The following CYP19A1 variants were observed in gnomAD, a reference collection of about 807,000 sequenced individuals.
The protein encoded by CYP19A1 is aromatase.
In CYP19A1, 32 loss-of-function variants were observed where a neutral mutation model predicts 44.4. The ratio of observed to expected loss-of-function variants is 0.72; its 90% confidence interval spans 0.54 to 0.97. CYP19A1 has a LOEUF of 0.97. Ranked by LOEUF, CYP19A1 falls within the 50% of genes least tolerant of loss-of-function variation. CYP19A1 has a pLI of 0.00. For missense variants in CYP19A1, 598 were observed against 637.8 expected (o/e 0.94, Z 0.67); for synonymous variants, 212 against 215.6 (o/e 0.98, Z 0.14).
Position 51,255,967 on chromosome 15 carries a change from C to T in CYP19A1, c.-38-13017G>A, listed in dbSNP as rs576177207. On this transcript the variant is annotated intron_variant, in intron 1 of 9. Coordinates refer to ENST00000396402, the MANE Select transcript of CYP19A1 (RefSeq NM_000103.4). Reference sequence around the variant, plus strand: ...AAGTGACAAAGTTGCCCAAACAGTTCAGCTGAATTCAGAGTATCATTGCCC... The same window carrying T: ...AAGTGACAAAGTTGCCCAAACAGTTTAGCTGAATTCAGAGTATCATTGCCC... Among the ~76,000 whole-genome samples, 4 of 152,324 alleles carry T rather than the reference C, an allele frequency of 2.6e-5. No individual in the cohort carries two copies. The South Asian group carries it at 8.3e-4, about 32-fold the overall frequency.
intron 1 of CYP19A1, among the ~76,000 whole-genome samples, chr15:51,255,161 G>A (rs377364332): frequency 1.3e-5 from 2 of 152,198 alleles, no homozygotes; most frequent in African/African-American, 4.8e-5. Flanking sequence ...CCCTGATGGT[G>A]AGGGAGGCAA....
Position 51,222,512 on chromosome 15 carries a change from G to A in CYP19A1, c.465C>T (p.Pro155=), listed in dbSNP as rs146495071. The part of the protein sequence containing the change: ...RPFFMKALSG[P]GLVRMVTVCA... Reference sequence around the variant, plus strand: ...AGACTGTGACCATACGAACAAGGCCGGGGCCTGACAGAGCTGCAGAGTACA... The same window carrying A: ...AGACTGTGACCATACGAACAAGGCCAGGGCCTGACAGAGCTGCAGAGTACA... The change falls in exon 5 of 10, where the codon CCC becomes CCT. Residue 155 remains proline, a synonymous_variant. Transcript: ENST00000396402. The A allele has an allele frequency of 9.8e-5, 158 of 1,613,342 alleles. No individual in the cohort carries two copies. The highest frequency in any genetic ancestry group is 1.6e-4 in the Middle Eastern group (1 of 6,084).
chr15:51,264,692 C>A (rs1393558854), intron 1 of CYP19A1, among the ~76,000 whole-genome samples: 1 of 152,124 alleles, frequency 6.6e-6, no homozygotes, highest in African/African-American at 2.4e-5. Context: ...TTGGATGCAG[C>A]TGGGGAAACA....
intron 4 of CYP19A1, among the ~76,000 whole-genome samples, chr15:51,225,903 C>T (rs892776611): frequency 6.6e-6 from 1 of 151,838 alleles, no homozygotes; most frequent in African/African-American, 2.4e-5. Context: ...TCCTGGCTAA[C>T]ACGGTGAAAC....
chr15:51,336,522 G>T (rs561793481), intron 1 of CYP19A1, among the ~76,000 whole-genome samples: 2 of 152,136 alleles, frequency 1.3e-5, no homozygotes, highest in Admixed American at 1.3e-4. Context: ...GTGGAAGGGT[G>T]GTGGGGCAGT....
At chr15:51,225,400 G>A (rs8023263) in intron 4 of CYP19A1, among the ~76,000 whole-genome samples, 12 of 152,060 alleles carry the variant, frequency 7.9e-5, no homozygotes, top group African/African-American at 2.7e-4. Flanking sequence ...ACATTTCTAC[G>A]GGATCTTATA....
At chr15:51,213,611 G>A (rs961492987) in intron 8 of CYP19A1, among the ~76,000 whole-genome samples, 1 of 152,172 alleles carries the variant, frequency 6.6e-6, no homozygotes, top group African/African-American at 2.4e-5. Flanking sequence ...TCTGTGTGTG[G>A]CACACAGGAG....
intron 2 of CYP19A1, among the ~76,000 whole-genome samples, chr15:51,241,733 A>G (rs2033781844): frequency 6.6e-6 from 1 of 152,202 alleles, no homozygotes; most frequent in Admixed American, 6.5e-5. Context: ...AGCAGAGAAC[A>G]AAATTAACTA....
intron 1 of CYP19A1, chr15:51,277,283 T>G (rs2035348182): frequency 6.6e-6 from 1 of 152,154 alleles, no homozygotes; most frequent in South Asian, 2.1e-4. Context: ...CCCAAGTGGG[T>G]TTATAATTAC....
chr15:51,281,242 A>T (rs1317343465), intron 1 of CYP19A1, among the ~76,000 whole-genome samples: 1 of 152,176 alleles, frequency 6.6e-6, no homozygotes. Context: ...TAGTGACCAC[A>T]ACTCTATTCT....
At chr15:51,222,785 CT>C (rs869105064) in intron 4 of CYP19A1, among the ~76,000 whole-genome samples, 1 of 152,136 alleles carries the variant, frequency 6.6e-6, no homozygotes, top group Non-Finnish European at 1.5e-5. Flanking sequence ...AAAAATTAAA[CT>C]TTTTTTCATG....
At chr15:51,221,487 C>T (rs1409703737) in intron 5 of CYP19A1, 2 of 152,118 alleles carry the variant, frequency 1.3e-5, no homozygotes, top group Non-Finnish European at 2.9e-5. Context: ...CAGTGTAAAA[C>T]AATTAGATAC....
At chr15:51,272,521 G>A (rs957745026) in intron 1 of CYP19A1, among the ~76,000 whole-genome samples, 1 of 152,126 alleles carries the variant, frequency 6.6e-6, no homozygotes, top group Non-Finnish European at 1.5e-5. Flanking sequence ...TCAGAATATC[G>A]ACATCATAGG....
chr15:51,235,653 G>GC (rs2033345163), intron 3 of CYP19A1, among the ~76,000 whole-genome samples: 1 of 152,166 alleles, frequency 6.6e-6, no homozygotes, highest in Admixed American at 6.5e-5. Flanking sequence ...TTTCTCCCCT[G>GC]CTCCCTTCTT....
intron 1 of CYP19A1, among the ~76,000 whole-genome samples, chr15:51,306,687 G>A (rs754688288): frequency 6.6e-6 from 1 of 152,198 alleles, no homozygotes; most frequent in African/African-American, 2.4e-5. Context: ...GAAAAAGCAC[G>A]GCACTGTGCC....
chr15:51,256,074 T>C (rs182376220), intron 1 of CYP19A1, among the ~76,000 whole-genome samples: 33 of 152,358 alleles, frequency 2.2e-4, no homozygotes, highest in Admixed American at 2.0e-3. Flanking sequence ...AAATGCTTAA[T>C]GGGCAAGGCA....
At chr15:51,337,277 A>T (rs909352946) in intron 1 of CYP19A1, among the ~76,000 whole-genome samples, 2 of 152,254 alleles carry the variant, frequency 1.3e-5, no homozygotes, top group Admixed American at 1.3e-4. Flanking sequence ...GATGTCGATT[A>T]ACAGCACAAG....
chr15:51,231,187 A>AAGG (rs1276783002), intron 3 of CYP19A1, among the ~76,000 whole-genome samples: 4 of 152,232 alleles, frequency 2.6e-5, no homozygotes, highest in African/African-American at 9.6e-5. Context: ...CTGAAGTGTT[A>AAGG]TTGCAAAAAT....
chr15:51,302,619 C>T (rs1566919062), intron 1 of CYP19A1, among the ~76,000 whole-genome samples: 2 of 152,208 alleles, frequency 1.3e-5, no homozygotes, highest in Non-Finnish European at 1.5e-5. Flanking sequence ...TCCCCTCTCC[C>T]CACTGTCCTC....
Sources: gnomAD v4.1 joint callset for allele counts (sites outside exome capture counted in the v4.1 genomes callset) on GRCh38, gnomAD v4.1.1 for gene constraint, MANE v1.5 for transcripts, NCBI Gene and HGNC (gene_info 2026-07-23, HGNC 2026-07-21) for gene names.